The following REV3L variants were observed in gnomAD, a reference collection of about 807,000 sequenced individuals.
REV3L encodes REV3 like, DNA directed polymerase zeta catalytic subunit, also known as DNA polymerase zeta catalytic subunit.
In REV3L, 69 loss-of-function variants were observed where a neutral mutation model predicts 299.4. The ratio of observed to expected loss-of-function variants is 0.23; its 90% CI spans 0.19 to 0.28. The LOEUF is 0.28. Ranked by LOEUF, REV3L falls within the 10% of genes least tolerant of loss-of-function variation. REV3L has a pLI of 1.00. For synonymous variants in REV3L, 1,238 were observed against 1,271.4 expected, an observed-to-expected ratio of 0.97 and a Z score of 0.56; for missense variants, 3,128 against 3,693.8, an observed-to-expected ratio of 0.85 and a Z score of 3.97.
intron 26 of REV3L, among the ~76,000 whole-genome samples, chr6:111,316,727 T>C (rs1283087825): frequency 6.8e-6 from 1 of 146,932 alleles, no homozygotes; most frequent in Non-Finnish European, 1.5e-5. Context: ...AACTGAAAAA[T>C]AGTTAGAAAA....
chr6:111,412,883 T>C (rs1384127797), intron 2 of REV3L, among the ~76,000 whole-genome samples: 6 of 152,178 alleles, frequency 3.9e-5, no homozygotes, highest in South Asian at 2.1e-4. Flanking sequence ...ACTCTAAACA[T>C]TTCAGACCCT....
Position 111,351,580 on chromosome 6 carries a change from T to C in REV3L, c.7300+96A>G, listed in dbSNP as rs563307016. The C allele has an allele frequency of 2.0e-4, 154 of 769,800 alleles. No homozygotes were observed. In the African/African-American group the frequency reaches 2.3e-3, roughly 12 times the overall value. 47.7% of individuals were successfully genotyped at this position (769,800 alleles called of 1,614,324 possible). A position where few individuals can be genotyped will look rare whatever the true frequency, so the allele number is the denominator to read the frequency against. On this transcript the variant is annotated intron_variant, in intron 19 of 31. Coordinates refer to ENST00000368802, the MANE Select transcript of REV3L (RefSeq NM_001372078.1). ...ACTTACACAACTTAGTACTAAAAAA[T>C]TGGGCTACAGCATAAGTACTCTTTA...
At chr6:111,368,809 T>C (rs1315383789) in intron 13 of REV3L, among the ~76,000 whole-genome samples, 2 of 152,224 alleles carry the variant, frequency 1.3e-5, no homozygotes, top group Admixed American at 6.5e-5. Context: ...ATGTTAACTT[T>C]ATTATGGATA....
Position 111,376,047 on chromosome 6 carries a change from T to G in REV3L, c.2308A>C (p.Asn770His). The G allele has an allele frequency of 1.2e-6, 2 of 1,614,020 alleles. No homozygotes were observed. Among genetic ancestry groups the G allele is most frequent in the Non-Finnish European group, 8.5e-7 (1 of 1,179,920 alleles). Reference protein sequence around the residue: ...LNSTADESGLNKLKIRYEEFQ... With the variant: ...LNSTADESGLHKLKIRYEEFQ... The stretch of plus-strand genomic sequence containing the variant: ...TCTTCATACCTAATTTTAAGTTTAT[T>G]TAGTCCACTTTCATCAGCAGTGCTA... The change falls in exon 13 of 32, where the codon AAT (asparagine) becomes CAT (histidine). Residue 770 changes from asparagine to histidine, a missense_variant. Coordinates refer to ENST00000368802, the MANE Select transcript of REV3L (RefSeq NM_001372078.1).
At chr6:111,406,344 G>C (rs1783622416) in intron 3 of REV3L, among the ~76,000 whole-genome samples, 1 of 152,202 alleles carries the variant, frequency 6.6e-6, no homozygotes, top group Non-Finnish European at 1.5e-5. Context: ...CCTAGTGTCA[G>C]AGGCAGGGAT....
At position 111,375,131 on chromosome 6, in the gene REV3L, G is replaced by A; in HGVS notation, c.3224C>T (p.Ser1075Phe). Residue 1075 changes from serine (S) to phenylalanine (F), a missense_variant, in exon 13 of 32, where the codon TCT becomes TTT. Transcript: ENST00000368802. ...TNNENIKRTLSFRKKRSHAIL... is the reference protein window; with the variant it reads ...TNNENIKRTLFFRKKRSHAIL... The stretch of plus-strand genomic sequence containing the variant: ...AGCATGTGACCGTTTTTTCCTGAAA[G>A]ACAAAGTTCTTTTAATATTTTCATT... The A allele has an allele frequency of 6.2e-7, 1 of 1,608,140 alleles. No homozygotes were observed. The highest frequency in any genetic ancestry group is 8.5e-7 in the Non-Finnish European group (1 of 1,178,432).
At chr6:111,345,562 C>G (rs1776938684) in intron 20 of REV3L, among the ~76,000 whole-genome samples, 2 of 152,134 alleles carry the variant, frequency 1.3e-5, no homozygotes, top group African/African-American at 4.8e-5. Context: ...GCTACCCACT[C>G]CCATAATCAT....
chr6:111,315,183 T>C (rs2114743455), intron 27 of REV3L, 84 bp downstream of exon 27: 1 of 1,114,596 alleles, frequency 9.0e-7, no homozygotes, highest in East Asian at 2.6e-5. Context: ...CTGTTAGTGA[T>C]TCTGAAAATG....
chr6:111,329,962 G>A (rs556198454), intron 24 of REV3L, among the ~76,000 whole-genome samples: 3 of 152,128 alleles, frequency 2.0e-5, no homozygotes, highest in Admixed American at 6.5e-5. Context: ...ATCTAACAGA[G>A]CACTTCTATG....
chr6:111,388,913 A>G (rs1426495297), intron 7 of REV3L, among the ~76,000 whole-genome samples, 193 bp downstream of exon 7: 1 of 152,226 alleles, frequency 6.6e-6, no homozygotes, highest in Non-Finnish European at 1.5e-5. Flanking sequence ...TTACAAAGAG[A>G]TAATAAGCGA....
At chr6:111,460,565 G>A (rs182395444) in intron 1 of REV3L, among the ~76,000 whole-genome samples, 2 of 151,998 alleles carry the variant, frequency 1.3e-5, no homozygotes. Context: ...GAAAAATAAA[G>A]TCTTTTTGAG....
In REV3L at chr6:111,329,718, T is replaced by C. The variant is rs1775195040; in HGVS notation, c.8055A>G (p.Val2685=). 1.2e-6 allele frequency: 2 copies of C among 1,613,222 alleles called. No individual in the cohort carries two copies. Among genetic ancestry groups the C allele is most frequent in the South Asian group, 2.2e-5 (2 of 91,078 alleles). The change falls in exon 25 of 32, where the codon GTA becomes GTG. Residue 2685 remains valine, a synonymous_variant. Transcript: ENST00000368802. ...AFVKPSVRKG[V]LPRMLEEILK... ...AAATTTCTTCAAGCATTCTTGGTAGTACACCTTTTCTTACTGAAGGCTATC... is the reference window on the plus strand; with the variant it reads ...AAATTTCTTCAAGCATTCTTGGTAGCACACCTTTTCTTACTGAAGGCTATC...
At chr6:111,408,278 T>A (rs1287687863) in intron 3 of REV3L, among the ~76,000 whole-genome samples, 1 of 152,080 alleles carries the variant, frequency 6.6e-6, no homozygotes, top group Non-Finnish European at 1.5e-5. Flanking sequence ...TTCTCAAACT[T>A]TTTGGCCCCA....
chr6:111,424,576 T>C (rs1198407061), intron 1 of REV3L, among the ~76,000 whole-genome samples: 2 of 152,090 alleles, frequency 1.3e-5, no homozygotes, highest in African/African-American at 4.8e-5. Context: ...TTCAAAACAG[T>C]CTTGAAAATC....
intron 5 of REV3L, among the ~76,000 whole-genome samples, chr6:111,391,522 G>A (rs1781928435): frequency 6.6e-6 from 1 of 152,160 alleles, no homozygotes; most frequent in East Asian, 1.9e-4. Context: ...GTACTCACAA[G>A]TATATATTTA....
chr6:111,321,595 T>G (rs192716717), intron 26 of REV3L, among the ~76,000 whole-genome samples: 23 of 152,312 alleles, frequency 1.5e-4, no homozygotes, highest in African/African-American at 5.3e-4. Flanking sequence ...AATTTGAAAC[T>G]ATCCCCACCG....
At chr6:111,348,495 T>C (rs924152913) in intron 20 of REV3L, among the ~76,000 whole-genome samples, 7 of 152,196 alleles carry the variant, frequency 4.6e-5, no homozygotes, top group Admixed American at 1.3e-4. Flanking sequence ...TATTTAAATA[T>C]ACTTCATTTG....
chr6:111,340,594 A>G (rs1041615810), intron 21 of REV3L, among the ~76,000 whole-genome samples: 3 of 152,162 alleles, frequency 2.0e-5, no homozygotes, highest in Non-Finnish European at 2.9e-5. Context: ...GATTTACAAT[A>G]TATATGTATG....
At chr6:111,434,442 G>A (rs186564211) in intron 1 of REV3L, among the ~76,000 whole-genome samples, 78 of 151,712 alleles carry the variant, frequency 5.1e-4, no homozygotes, top group African/African-American at 1.5e-3. Flanking sequence ...GTGAAACCAC[G>A]TCTCTAATAA....
Sources: allele counts gnomAD v4.1 joint callset (sites outside exome capture counted in the v4.1 genomes callset), GRCh38; gene constraint gnomAD v4.1.1; transcripts MANE v1.5; gene names NCBI Gene and HGNC (gene_info 2026-07-23, HGNC 2026-07-21).